RIPOR3: variants seen among roughly 807,000 people sequenced by gnomAD.
RIPOR3 encodes RIPOR family member 3, also known as family with sequence similarity 65 member C.
Under a neutral mutation model 114.3 loss-of-function variants are expected in RIPOR3, and 95 were observed. The observed-to-expected ratio is 0.83, with a 90% CI of 0.70 to 0.99. The LOEUF is 0.99. Among genes scored for constraint, RIPOR3 ranks in the 50% least tolerant of loss-of-function variants. The pLI is 0.00. For synonymous variants in RIPOR3, 575 were observed against 543.8 expected (o/e 1.06, Z -0.80); for missense variants, 1,252 against 1,266.9 (o/e 0.99, Z 0.18).
At chr20:50,680,858 C>T (rs2086834943) in intron 1 of RIPOR3, among the ~76,000 whole-genome samples, 1 of 152,212 alleles carries the variant, frequency 6.6e-6, no homozygotes, top group Non-Finnish European at 1.5e-5. Flanking sequence ...CCCCTCAACT[C>T]CAGAGATGAG....
intron 1 of RIPOR3, 57 bp from the exon 2 acceptor site, chr20:50,630,913 G>T: frequency 7.2e-7 from 1 of 1,393,980 alleles, no homozygotes; most frequent in Non-Finnish European, 9.9e-7. Context: ...AGTGCCGTCC[G>T]CAGGCCAGCC....
chr20:50,645,220 G>A (rs2085358979), intron 1 of RIPOR3, among the ~76,000 whole-genome samples: 2 of 152,194 alleles, frequency 1.3e-5, no homozygotes, highest in African/African-American at 4.8e-5. Flanking sequence ...TGGTGTCTAA[G>A]GATGGAGCCC....
chr20:50,636,121 G>A (rs895232445), intron 1 of RIPOR3, among the ~76,000 whole-genome samples: 1 of 152,202 alleles, frequency 6.6e-6, no homozygotes, highest in Non-Finnish European at 1.5e-5. Context: ...ACGTTGACTT[G>A]GAGTCCAGCC....
chr20:50,604,109 G>C (rs1050092992), intron 12 of RIPOR3, among the ~76,000 whole-genome samples: 5 of 151,842 alleles, frequency 3.3e-5, no homozygotes, highest in African/African-American at 1.2e-4. Flanking sequence ...TTGAACCTGG[G>C]AGGAGGTGGA....
At chr20:50,608,871 G>T (rs1295889210) in intron 9 of RIPOR3, 41 bp downstream of exon 9, 4 of 1,602,300 alleles carry the variant, frequency 2.5e-6, no homozygotes, top group Middle Eastern at 1.6e-4. Context: ...CCAAAGACCT[G>T]GCGGGGAGCC....
chr20:50,686,771 GA>G (rs1028917124), intron 1 of RIPOR3, among the ~76,000 whole-genome samples: 4 of 151,096 alleles, frequency 2.6e-5, no homozygotes, highest in South Asian at 2.1e-4. Flanking sequence ...AAGAAAGAAA[GA>G]AAAAAAAGTG....
At chr20:50,614,341 A>G (rs562426015) in intron 4 of RIPOR3, among the ~76,000 whole-genome samples, 1 of 152,174 alleles carries the variant, frequency 6.6e-6, no homozygotes, top group East Asian at 1.9e-4. Context: ...GAGCCACTGG[A>G]TGCTATTTTG....
intron 14 of RIPOR3, 134 bp from the exon 15 acceptor site, chr20:50,596,397 G>A (rs1392931024): frequency 7.7e-7 from 1 of 1,292,090 alleles, no homozygotes; most frequent in Non-Finnish European, 1.1e-6. Flanking sequence ...CAACTGAAGA[G>A]GAAGGGGAAA....
At chr20:50,679,264 T>C (rs1186948781) in intron 1 of RIPOR3, among the ~76,000 whole-genome samples, 1 of 144,236 alleles carries the variant, frequency 6.9e-6, no homozygotes, top group African/African-American at 2.5e-5. Context: ...TGCCACTTGG[T>C]TGAGTTTATG....
chr20:50,636,972 C>A, intron 1 of RIPOR3: 1 of 965,868 alleles, frequency 1.0e-6, no homozygotes, highest in Non-Finnish European at 1.2e-6. Flanking sequence ...CCAGCTAGGG[C>A]TTAGTTTGTT....
rs552024790 is a variant in RIPOR3 at position 50,636,418 on chromosome 20, G to C, written c.4-5562C>G. The stretch of plus-strand genomic sequence containing the variant: ...CCTTTAGCTACTGGATTGTGGGCAG[G>C]TCTAGGAGGTCCCTGGGGAGGCATC... On this transcript the variant is annotated intron_variant, in intron 1 of 21. Transcript: ENST00000327979. Among the ~76,000 whole-genome samples the C allele has an allele frequency of 2.6e-5, 4 of 152,314 alleles. No individual in the cohort carries two copies. The East Asian group carries it at 7.7e-4, about 29-fold the overall frequency.
At chr20:50,642,373 TGTGTGA>T (rs1459370452) in intron 1 of RIPOR3, among the ~76,000 whole-genome samples, 3 of 142,636 alleles carry the variant, frequency 2.1e-5, no homozygotes, top group South Asian at 2.2e-4. Context: ...TGTGTGTGTG[TGTGTGA>T]GAGAGAGAGA....
At chr20:50,603,699 C>T (rs1057427788) in intron 12 of RIPOR3, among the ~76,000 whole-genome samples, 8 of 152,340 alleles carry the variant, frequency 5.3e-5, no homozygotes, top group Admixed American at 2.6e-4. Flanking sequence ...GCCCTAACCT[C>T]GGAGAGGTCC....
In RIPOR3 at chr20:50,630,731, A is replaced by T; in HGVS notation, c.122+7T>A. On this transcript the variant is annotated splice_region_variant and intron_variant, in intron 2 of 21. Transcript: ENST00000327979. Reference sequence around the variant, plus strand: ...GCACCCCGAAACAGGACACGGGGGGAACTTACGCGATCCTCCGGCTCTGTG... The same window carrying T: ...GCACCCCGAAACAGGACACGGGGGGTACTTACGCGATCCTCCGGCTCTGTG... The T allele has an allele frequency of 6.3e-7, 1 of 1,599,460 alleles. No individual in the cohort carries two copies.
At chr20:50,659,187 A>C (rs916020153) in intron 1 of RIPOR3, among the ~76,000 whole-genome samples, 2 of 152,210 alleles carry the variant, frequency 1.3e-5, no homozygotes, top group Non-Finnish European at 2.9e-5. Context: ...GCCGCTGGTT[A>C]ACAGCCATCT....
intron 1 of RIPOR3, among the ~76,000 whole-genome samples, chr20:50,663,812 GAAAAC>G (rs1032944734): frequency 7.9e-5 from 12 of 151,998 alleles, no homozygotes; most frequent in African/African-American, 2.9e-4. Context: ...TCCCCAGAAG[GAAAAC>G]ACCTCACCTC....
At chr20:50,603,563 G>A (rs1226845381) in intron 12 of RIPOR3, among the ~76,000 whole-genome samples, 1 of 152,282 alleles carries the variant, frequency 6.6e-6, no homozygotes, top group East Asian at 1.9e-4. Flanking sequence ...TGAAGTGAAT[G>A]AATGAATGAA....
rs1162063132 is a variant in RIPOR3, at chr20:50,608,911, C to G, written c.684+1G>C. The G allele has an allele frequency of 6.3e-7, 1 of 1,596,620 alleles. No homozygotes were observed. The highest frequency in any genetic ancestry group is 8.5e-7 in the Non-Finnish European group (1 of 1,172,206). ...GGATTGACCCCAGAGAGTGGCCGTACCTCATAGTGGTCTCCGGGACAGAGG... is the reference window on the plus strand; with the variant it reads ...GGATTGACCCCAGAGAGTGGCCGTAGCTCATAGTGGTCTCCGGGACAGAGG... On this transcript the variant is annotated splice_donor_variant, in intron 9 of 21. Coordinates refer to ENST00000327979, the MANE Select transcript of RIPOR3 (RefSeq NM_001290268.2). LOFTEE classifies it high-confidence loss of function.
chr20:50,668,815 C>T (rs2086350264), intron 1 of RIPOR3, among the ~76,000 whole-genome samples: 2 of 152,004 alleles, frequency 1.3e-5, no homozygotes, highest in South Asian at 4.1e-4. Context: ...CAAGATCAAG[C>T]CACTGCCCTC....
Sources: gnomAD v4.1 joint callset for allele counts (sites outside exome capture counted in the v4.1 genomes callset) on GRCh38, gnomAD v4.1.1 for gene constraint, MANE v1.5 for transcripts, NCBI Gene and HGNC (gene_info 2026-07-23, HGNC 2026-07-21) for gene names.